Variants in MCC observed in about 807,000 individuals in gnomAD.
MCC encodes the protein colorectal mutant cancer protein.
A neutral mutation model predicts 116.2 loss-of-function variants in MCC; 90 were observed. The observed-to-expected ratio is 0.77, with a 90% CI of 0.65 to 0.92. The LOEUF is 0.92. Ranked by LOEUF, MCC falls within the 40% of genes least tolerant of loss-of-function variation. MCC has a pLI of 0.00. For synonymous variants in MCC, 578 were observed against 510.5 expected, an observed-to-expected ratio of 1.13 and a Z score of -1.78; for missense variants, 1,516 against 1,312.2, an observed-to-expected ratio of 1.16 and a Z score of -2.40.
chr5:113,434,456 G>A lies in MCC; in HGVS notation c.171-49244C>T, dbSNP rs373466021. On this transcript the variant is annotated intron_variant, in intron 1 of 18. Transcript: ENST00000408903. This position sits in a 1 kb window ranked among gnomAD's most constrained non-coding sequence, Gnocchi z 4.2. ...GGTCCCGGTGGACGACGTCCAGGTC[G>A]TGGCAGTACTTGATGGCCAAGGAAA... 342 of 1,613,526 alleles carry A rather than the reference G, an allele frequency of 2.1e-4. No homozygotes were observed. The highest frequency in any genetic ancestry group is 2.7e-4 in the Non-Finnish European group (320 of 1,179,874).
intron 5 of MCC, among the ~76,000 whole-genome samples, chr5:113,135,276 C>T (rs1408600174): frequency 1.6e-4 from 23 of 147,184 alleles, no homozygotes; most frequent in South Asian, 7.0e-4. Context: ...TCTTAGGGGC[C>T]GGGCACAGTG....
intron 5 of MCC, among the ~76,000 whole-genome samples, chr5:113,129,992 C>T (rs192285455): frequency 0.037 from 5,566 of 152,180 alleles, 155 homozygotes; most frequent in Middle Eastern, 0.061. Context: ...TGGGTATATA[C>T]CCAAAGGATT....
At chr5:113,284,974 T>C (rs1475123885) in intron 3 of MCC, among the ~76,000 whole-genome samples, 1 of 152,212 alleles carries the variant, frequency 6.6e-6, no homozygotes, top group Non-Finnish European at 1.5e-5. Flanking sequence ...TCAGCATCCA[T>C]CAATACTGAA....
chr5:113,112,681 T>G (rs1012984576), intron 6 of MCC, among the ~76,000 whole-genome samples: 1 of 152,294 alleles, frequency 6.6e-6, no homozygotes, highest in East Asian at 1.9e-4. Flanking sequence ...GCCCTAAAAG[T>G]TGATGATTTC....
At chr5:113,206,126 T>C (rs1416395575) in intron 3 of MCC, among the ~76,000 whole-genome samples, 3 of 152,188 alleles carry the variant, frequency 2.0e-5, no homozygotes, top group Non-Finnish European at 4.4e-5. Flanking sequence ...TTGCAGTCAT[T>C]GACTCCCAAC....
At chr5:113,410,079 C>A (rs913922730) in intron 1 of MCC, among the ~76,000 whole-genome samples, 1 of 152,128 alleles carries the variant, frequency 6.6e-6, no homozygotes, top group Non-Finnish European at 1.5e-5. Flanking sequence ...AAATGACATA[C>A]CTATGTCTCT....
chr5:113,053,353 C>G (rs1349277574), intron 15 of MCC, among the ~76,000 whole-genome samples: 1 of 152,162 alleles, frequency 6.6e-6, no homozygotes. Flanking sequence ...CTGTTCTCCC[C>G]CTGCCGGAGT....
chr5:113,064,083 G>GC lies in MCC; in HGVS notation c.2113dup (p.Ala705GlyfsTer42). 1 of 1,614,234 alleles carries GC rather than the reference G, an allele frequency of 6.2e-7. No homozygotes were observed. Among genetic ancestry groups the GC allele is most frequent in the Non-Finnish European group, 8.5e-7 (1 of 1,180,034 alleles). On this transcript the variant is annotated frameshift_variant, in exon 14 of 19. Coordinates refer to ENST00000408903, the MANE Select transcript of MCC (RefSeq NM_001085377.2). LOFTEE classifies it high-confidence loss of function. ...GCTGCCGTCCAGCTTCATGAGCAGG[G>GC]CCTTGGCAGCGTTCTCAGCTGTCTT...
At chr5:113,193,432 G>T (rs1340575746) in intron 3 of MCC, among the ~76,000 whole-genome samples, 4 of 152,124 alleles carry the variant, frequency 2.6e-5, no homozygotes, top group African/African-American at 9.7e-5. Flanking sequence ...GTAACATGGG[G>T]TTGTTGGAAA....
chr5:113,297,045 G>T (rs1766731639), intron 3 of MCC, among the ~76,000 whole-genome samples: 1 of 152,202 alleles, frequency 6.6e-6, no homozygotes, highest in Admixed American at 6.5e-5. Flanking sequence ...GATTGTATGA[G>T]ATTTTCTTCA....
chr5:113,183,427 A>G (rs1244834665), intron 3 of MCC, among the ~76,000 whole-genome samples: 2 of 152,222 alleles, frequency 1.3e-5, no homozygotes, highest in East Asian at 3.8e-4. Context: ...TCTTAAAAAC[A>G]TTCTTTCTTG....
Position 113,159,795 on chromosome 5 carries a change from C to T in MCC, c.628-8373G>A, listed in dbSNP as rs562710797. On this transcript the variant is annotated intron_variant, in intron 3 of 18. Transcript: ENST00000408903. ...GGACTGGAACATTCCTCTTTACTAC[C>T]GGAATTCCAGCTAGGGGCACCTGCT... is the stretch of plus-strand genomic sequence containing the variant. Among the ~76,000 whole-genome samples the T allele has an allele frequency of 1.4e-4, 21 of 152,270 alleles. No individual in the cohort carries two copies. In the South Asian group the frequency reaches 3.5e-3, roughly 26 times the overall value.
chr5:113,151,834 C>T (rs995296750), intron 3 of MCC, among the ~76,000 whole-genome samples: 2 of 152,148 alleles, frequency 1.3e-5, no homozygotes, highest in African/African-American at 4.8e-5. Context: ...CTGAATAGGG[C>T]AATTTGGATT....
Position 113,101,794 on chromosome 5 carries a change from C to T in MCC, c.1343G>A (p.Arg448Gln), listed in dbSNP as rs749827179. The T allele has an allele frequency of 1.2e-5, 20 of 1,613,522 alleles. 1 individual carries two copies. Among genetic ancestry groups the T allele is most frequent in the Admixed American group, 1.0e-4 (6 of 60,024 alleles). The change falls in exon 8 of 19, where the codon CGG becomes CAG. Residue 448 changes from arginine to glutamine, a missense_variant. By Grantham distance (43) the Arg-to-Gln change is conservative. Coordinates refer to ENST00000408903, the MANE Select transcript of MCC (RefSeq NM_001085377.2). Reference sequence around the variant, plus strand: ...GATGGCATTCATGGTGGCCTTAGTCCGGTTCAGTTCTTCCTCTTTGCTGCA... The same window carrying T: ...GATGGCATTCATGGTGGCCTTAGTCTGGTTCAGTTCTTCCTCTTTGCTGCA... Reference protein sequence around the residue: ...MLCSKEEELNRTKATMNAIRE... With the variant: ...MLCSKEEELNQTKATMNAIRE...
chr5:113,256,225 T>A (rs1212171434), intron 3 of MCC, among the ~76,000 whole-genome samples: 2 of 152,108 alleles, frequency 1.3e-5, no homozygotes, highest in African/African-American at 4.8e-5. Flanking sequence ...AGAGGAGAGG[T>A]AGGTAACACC....
intron 3 of MCC, among the ~76,000 whole-genome samples, chr5:113,214,944 G>A (rs1053279653): frequency 1.3e-5 from 2 of 152,182 alleles, no homozygotes; most frequent in Admixed American, 6.5e-5. Flanking sequence ...CCTGCAGTGA[G>A]GCTGAACCTC....
At chr5:113,058,867 G>A (rs559114578) in intron 14 of MCC, among the ~76,000 whole-genome samples, 46 of 152,304 alleles carry the variant, frequency 3.0e-4, no homozygotes, top group Middle Eastern at 6.8e-3. Context: ...TTTCCTGATG[G>A]CTTTGCCAAC....
chr5:113,344,704 C>G (rs1768092776), intron 2 of MCC, among the ~76,000 whole-genome samples: 1 of 151,858 alleles, frequency 6.6e-6, no homozygotes. Flanking sequence ...AACCTTCTGC[C>G]TTGAAGGAAA....
At chr5:113,395,362 A>G (rs1004113462) in intron 1 of MCC, among the ~76,000 whole-genome samples, 1 of 152,212 alleles carries the variant, frequency 6.6e-6, no homozygotes, top group African/African-American at 2.4e-5. Flanking sequence ...CCCTAAATTC[A>G]CTATGCCAAA....
Sources: gnomAD v4.1 joint callset for allele counts (sites outside exome capture counted in the v4.1 genomes callset) on GRCh38, gnomAD v4.1.1 for gene constraint, Gnocchi (gnomAD v3.1) non-coding constraint, MANE v1.5 for transcripts, NCBI Gene and HGNC (gene_info 2026-07-23, HGNC 2026-07-21) for gene names.